The following TRAPPC11 variants were observed in gnomAD, a reference collection of about 807,000 sequenced individuals.
TRAPPC11 encodes the protein foie gras homolog.
In TRAPPC11, 104 loss-of-function variants were observed where a neutral mutation model predicts 151.2. The observed-to-expected ratio is 0.69, with a 90% CI of 0.59 to 0.81. TRAPPC11 has a LOEUF of 0.81. Among genes scored for constraint, TRAPPC11 ranks in the 30% least tolerant of loss-of-function variants. The pLI is 0.00. For missense variants in TRAPPC11, 1,230 were observed against 1,349.6 expected, an observed-to-expected ratio of 0.91 and a Z score of 1.39; for synonymous variants, 456 against 472.3, an observed-to-expected ratio of 0.97 and a Z score of 0.45.
chr4:183,685,367 A>G lies in TRAPPC11; in HGVS notation c.1726A>G (p.Ile576Val), dbSNP rs979774629. The change falls in exon 17 of 30, where the codon ATT becomes GTT. Residue 576 changes from isoleucine (I) to valine (V), a missense_variant. By Grantham distance (29) the Ile-to-Val change is conservative (BLOSUM62 3). Transcript: ENST00000334690. ...ADRISLAGSN[I>V]FTIGVQDFVP... ...CCGAATTTCTCTGGCTGGCAGCAAT[A>G]TTTTCACAATAGGAGTACAGGACTT... 1.9e-6 allele frequency: 3 copies of G among 1,614,148 alleles called. No homozygotes were observed. The highest frequency in any genetic ancestry group is 8.5e-7 in the Non-Finnish European group (1 of 1,180,004).
At chr4:183,660,120 A>G (rs977633051) in intron 1 of TRAPPC11, among the ~76,000 whole-genome samples, 2 of 152,210 alleles carry the variant, frequency 1.3e-5, no homozygotes, top group Admixed American at 1.3e-4. Flanking sequence ...ATTGAAATCC[A>G]TTCGATCTGC....
At chr4:183,663,435 G>A (rs867393359) in intron 1 of TRAPPC11, among the ~76,000 whole-genome samples, 6 of 152,106 alleles carry the variant, frequency 3.9e-5, no homozygotes, top group African/African-American at 4.8e-5. Flanking sequence ...GGGTTTCACC[G>A]TGTTAGCCAG....
intron 5 of TRAPPC11, among the ~76,000 whole-genome samples, chr4:183,671,409 TGGA>T (rs2111319863): frequency 6.6e-6 from 1 of 152,318 alleles, no homozygotes; most frequent in African/African-American, 2.4e-5. Flanking sequence ...CTGAAAAGGC[TGGA>T]GGAGAAAGGA....
At chr4:183,711,491 T>A (rs909465665) in intron 29 of TRAPPC11, among the ~76,000 whole-genome samples, 2 of 152,224 alleles carry the variant, frequency 1.3e-5, no homozygotes, top group Admixed American at 1.3e-4. Context: ...TTTCACTAGC[T>A]TGAGCCATGA....
chr4:183,691,879 G>A (rs943825085), intron 19 of TRAPPC11, among the ~76,000 whole-genome samples: 1 of 152,006 alleles, frequency 6.6e-6, no homozygotes, highest in African/African-American at 2.4e-5. Context: ...ATCTTTTGAT[G>A]TTTAAGCATT....
chr4:183,707,900 A>G (rs1451592155), intron 28 of TRAPPC11, among the ~76,000 whole-genome samples: 3 of 151,924 alleles, frequency 2.0e-5, no homozygotes, highest in Non-Finnish European at 2.9e-5. Context: ...TTTTAAAAGT[A>G]TTGTCAAAGA....
chr4:183,680,084 C>T lies in TRAPPC11; in HGVS notation c.966-36C>T, dbSNP rs371510971. Reference sequence around the variant, plus strand: ...CCAGAAATAAGCTTCTTTTTCTTTTCATTCCTCTTTATTTCTTGATTTTCT... The same window carrying T: ...CCAGAAATAAGCTTCTTTTTCTTTTTATTCCTCTTTATTTCTTGATTTTCT... On this transcript the variant is annotated intron_variant, in intron 9 of 29. Transcript: ENST00000334690. 3 of 1,567,222 alleles carry T rather than the reference C, an allele frequency of 1.9e-6. No homozygotes were observed. The Admixed American group carries it at 5.5e-5, about 29-fold the overall frequency.
At chr4:183,682,421 C>T (rs1233132598) in intron 10 of TRAPPC11, among the ~76,000 whole-genome samples, 3 of 151,878 alleles carry the variant, frequency 2.0e-5, no homozygotes, top group Non-Finnish European at 4.4e-5. Context: ...TGTATGCATG[C>T]GGAATAAATA....
rs2111301171 is a variant in TRAPPC11 at position 183,666,285 on chromosome 4, A to T, written c.233A>T (p.Lys78Ile). Residue 78 changes from lysine (K) to isoleucine (I), a missense_variant, in exon 3 of 30, where the codon AAA (lysine) becomes ATA (isoleucine). Coordinates refer to ENST00000334690, the MANE Select transcript of TRAPPC11 (RefSeq NM_021942.6). ...KRTSYEWYIP[K>I]GILKTGWMNK... ...ACTTCATATGAGTGGTACATTCCTA[A>T]AGGGATCTTAAAGACTGGCTGGATG... 1 of 1,614,132 alleles carries T rather than the reference A, an allele frequency of 6.2e-7. No individual in the cohort carries two copies. The highest frequency in any genetic ancestry group is 2.2e-5 in the East Asian group (1 of 44,884).
intron 11 of TRAPPC11, among the ~76,000 whole-genome samples, chr4:183,683,481 T>C (rs1386926381): frequency 1.3e-5 from 2 of 152,002 alleles, no homozygotes; most frequent in African/African-American, 4.8e-5. Flanking sequence ...GGCAACATAG[T>C]GAGAACCCAT....
At position 183,679,461 on chromosome 4, in the gene TRAPPC11, G is replaced by A. The variant is rs1394273018; in HGVS notation, c.940G>A (p.Glu314Lys). ...GATTGGAAGTGCAGAGCTGTCTTTT[G>A]AGCATGATGCATGGATGTCTAAACA... ...KKIGSAELSF[E>K]HDAWMSKQFQ... The change falls in exon 9 of 30, where the codon GAG becomes AAG. Residue 314 changes from glutamate to lysine, a missense_variant. By Grantham distance (56) the Glu-to-Lys change is moderately conservative. Transcript: ENST00000334690. The A allele has an allele frequency of 6.2e-7, 1 of 1,611,752 alleles. No individual in the cohort carries two copies.
intron 2 of TRAPPC11, among the ~76,000 whole-genome samples, chr4:183,664,419 A>G (rs767270038): frequency 5.3e-5 from 8 of 152,280 alleles, no homozygotes; most frequent in South Asian, 4.2e-4. Flanking sequence ...GGTCTGTGCA[A>G]TGTGGCTCAA....
intron 17 of TRAPPC11, among the ~76,000 whole-genome samples, chr4:183,685,984 T>C (rs1735946060): frequency 6.6e-6 from 1 of 152,150 alleles, no homozygotes; most frequent in Non-Finnish European, 1.5e-5. Context: ...CTTATGGGCG[T>C]GTACTACCAT....
At chr4:183,689,805 C>CA (rs1561049579) in intron 18 of TRAPPC11, among the ~76,000 whole-genome samples, 1 of 146,290 alleles carries the variant, frequency 6.8e-6, no homozygotes, top group Non-Finnish European at 1.5e-5. Flanking sequence ...TTTTTTTCAA[C>CA]AAAAAATATA....
chr4:183,669,330 C>T (rs916800184), intron 5 of TRAPPC11, among the ~76,000 whole-genome samples: 9 of 152,268 alleles, frequency 5.9e-5, no homozygotes, highest in Admixed American at 1.3e-4. Context: ...GCTGGTAGCA[C>T]ACTCAGGCAG....
rs1312136868 is a variant in TRAPPC11 at position 183,708,148 on chromosome 4, G to A, written c.3190-259G>A. On this transcript the variant is annotated intron_variant, in intron 28 of 29. Coordinates refer to ENST00000334690, the MANE Select transcript of TRAPPC11 (RefSeq NM_021942.6). ...AGTTCTCATTCTTTAGGAGGTATAA[G>A]TTACCCATTGTAGGTCTTGGTAGAA... Among the ~76,000 whole-genome samples, 8 of 152,130 alleles carry A rather than the reference G, an allele frequency of 5.3e-5. No homozygotes were observed. The East Asian group carries it at 1.5e-3, about 29-fold the overall frequency.
intron 2 of TRAPPC11, among the ~76,000 whole-genome samples, chr4:183,665,187 T>C (rs34396255): frequency 0.35 from 50,501 of 146,242 alleles, 10,423 homozygotes; most frequent in Non-Finnish European, 0.45. Context: ...CTCCGCCTCC[T>C]GGGTTCGTGC....
At chr4:183,678,645 A>G (rs1210843807) in intron 8 of TRAPPC11, among the ~76,000 whole-genome samples, 1 of 152,226 alleles carries the variant, frequency 6.6e-6, no homozygotes, top group Non-Finnish European at 1.5e-5. Flanking sequence ...AGAAAGGCAT[A>G]CACATACTTA....
intron 14 of TRAPPC11, 82 bp downstream of exon 14, chr4:183,684,441 T>G: frequency 7.6e-7 from 1 of 1,311,874 alleles, no homozygotes; most frequent in East Asian, 2.3e-5. Context: ...GTTGAAGGAG[T>G]TCGTATTTTC....
Sources: allele counts gnomAD v4.1 joint callset (sites outside exome capture counted in the v4.1 genomes callset), GRCh38; gene constraint gnomAD v4.1.1; transcripts MANE v1.5; gene names NCBI Gene and HGNC (gene_info 2026-07-23, HGNC 2026-07-21).